The following AQR variants were observed in gnomAD, a reference collection of about 807,000 sequenced individuals.
AQR encodes RNA helicase aquarius.
AQR carries 61 observed loss-of-function variants against 180.5 expected under a neutral mutation model. That is an observed-to-expected ratio of 0.34 (90% CI 0.28 to 0.42). The LOEUF is 0.42. Ranked by LOEUF, AQR falls within the 10% of genes least tolerant of loss-of-function variation. The probability of loss-of-function intolerance (pLI) is 1.00; values close to 1 mark genes in which losing one functional copy is unlikely to be tolerated. For synonymous variants in AQR, 551 were observed against 588.8 expected, an observed-to-expected ratio of 0.94 and a Z score of 0.93; for missense variants, 1,281 against 1,798.3, an observed-to-expected ratio of 0.71 and a Z score of 5.20.
chr15:34,938,734 T>TAGTC lies in AQR; in HGVS notation c.718+2_718+3insGACT, dbSNP rs67563334. The TAGTC allele has an allele frequency of 1.1e-4, 153 of 1,435,996 alleles. No individual in the cohort carries two copies. In the South Asian group the frequency reaches 1.8e-3, roughly 17 times the overall value. The allele number at this position is 1,435,996 out of a possible 1,614,324, so 89.0% of individuals were successfully genotyped here. A position where few individuals can be genotyped will look rare whatever the true frequency, so the allele number is the denominator to read the frequency against. On this transcript the variant is annotated splice_region_variant and intron_variant, in intron 9 of 34. Transcript: ENST00000156471. ...CAAATGCACTGAGTAAAAAAGAAGA[T>TAGTC]ACCAGAAAGTGGGACTGATTTCAGC...
intron 28 of AQR, among the ~76,000 whole-genome samples, chr15:34,875,192 C>A (rs555218087): frequency 2.6e-5 from 4 of 152,104 alleles, no homozygotes; most frequent in Non-Finnish European, 4.4e-5. Context: ...CAGAAAGAAA[C>A]AGAAGCCCAA....
intron 15 of AQR, among the ~76,000 whole-genome samples, chr15:34,915,856 G>A (rs1893574747): frequency 6.6e-6 from 1 of 151,834 alleles, no homozygotes; most frequent in Non-Finnish European, 1.5e-5. Flanking sequence ...TGAGGCAGGA[G>A]AATCACTTGA....
At chr15:34,892,900 T>C (rs1008015584) in intron 23 of AQR, among the ~76,000 whole-genome samples, 2 of 152,198 alleles carry the variant, frequency 1.3e-5, no homozygotes, top group Non-Finnish European at 2.9e-5. Context: ...TGAATTCATA[T>C]TGCTTTCACA....
At chr15:34,867,641 T>A (rs373600200) in intron 31 of AQR, 32 bp from the exon 32 acceptor site, 4 of 1,525,874 alleles carry the variant, frequency 2.6e-6, no homozygotes, top group South Asian at 1.1e-5. Context: ...TATGGTGCAT[T>A]TGCAAAAGCC....
At position 34,897,035 on chromosome 15, in the gene AQR, C is replaced by T. The variant is rs376946861; in HGVS notation, c.2391-69G>A. On this transcript the variant is annotated intron_variant, in intron 21 of 34. Coordinates refer to ENST00000156471, the MANE Select transcript of AQR (RefSeq NM_014691.3). The stretch of plus-strand genomic sequence containing the variant: ...CTTTGTATAATACAAATTTAGACAA[C>T]AATGACCAGTGGTCTAAATATCTGC... 1.6e-3 allele frequency: 1,985 copies of T among 1,275,190 alleles called. 50 individuals carry two copies. In the South Asian group the frequency reaches 0.022, roughly 14 times the overall value. 79.0% of individuals were successfully genotyped at this position (1,275,190 alleles called of 1,614,324 possible).
chr15:34,872,532 T>C (rs1192669340), intron 30 of AQR, among the ~76,000 whole-genome samples: 2 of 152,090 alleles, frequency 1.3e-5, no homozygotes, highest in East Asian at 1.9e-4. Context: ...AAAACCAATA[T>C]GTAATGAAAA....
intron 11 of AQR, among the ~76,000 whole-genome samples, chr15:34,931,088 G>A (rs1015602021): frequency 5.3e-5 from 8 of 152,134 alleles, no homozygotes; most frequent in Non-Finnish European, 7.4e-5. Flanking sequence ...CGCCGGCCTC[G>A]GCCTCCCAAA....
Position 34,930,359 on chromosome 15 carries a change from G to A in AQR, c.913C>T (p.Leu305Phe), listed in dbSNP as rs770282822. ...ATTTCAAAACCAGTATAGAATTTAA[G>A]CATGTCCAAAAGCTGAAGAAACACA... ...GHLFSQLLDM[L>F]KFYTGFEIND... The change falls in exon 12 of 35, where the codon CTT becomes TTT. Residue 305 changes from leucine (L) to phenylalanine (F), a missense_variant. By Grantham distance (22) the Leu-to-Phe change is conservative (BLOSUM62 0). Around this residue, in one of 9 missense-constraint regions of AQR, gnomAD observed 404 missense variants for 490.9 expected, o/e 0.82. Transcript: ENST00000156471. 1.3e-6 allele frequency: 2 copies of A among 1,597,768 alleles called. No individual in the cohort carries two copies. Among genetic ancestry groups the A allele is most frequent in the Admixed American group, 3.3e-5 (2 of 59,954 alleles).
chr15:34,908,302 T>C (rs1388580223), intron 17 of AQR, among the ~76,000 whole-genome samples: 14 of 152,078 alleles, frequency 9.2e-5, no homozygotes. Flanking sequence ...CTGGGCGTGG[T>C]GGCGGGTGCC....
At chr15:34,959,034 T>C (rs1033923022) in intron 3 of AQR, among the ~76,000 whole-genome samples, 2 of 152,042 alleles carry the variant, frequency 1.3e-5, no homozygotes, top group South Asian at 4.2e-4. Flanking sequence ...TATATAGATA[T>C]CTGTCTGTCC....
chr15:34,944,381 G>C lies in AQR; in HGVS notation c.378C>G (p.Ile126Met). Reference sequence around the variant, plus strand: ...CAGTTTCAGCTAATGCCGCCTTCAAGATGTGTTTAAAAAAGAATGGGAAGT... The same window carrying C: ...CAGTTTCAGCTAATGCCGCCTTCAACATGTGTTTAAAAAAGAATGGGAAGT... Reference protein sequence around the residue: ...PDHFPFFFKHILKAALAETDG... With the variant: ...PDHFPFFFKHMLKAALAETDG... Residue 126 changes from isoleucine (I) to methionine (M), a missense_variant, in exon 6 of 35, where the codon ATC becomes ATG. By Grantham distance (10) the Ile-to-Met change is conservative (BLOSUM62 1). This residue lies in a region of AQR where 404 missense variants were observed against 490.9 expected (regional missense o/e 0.82). Transcript: ENST00000156471. The C allele has an allele frequency of 6.2e-7, 1 of 1,609,500 alleles. No individual in the cohort carries two copies. The highest frequency in any genetic ancestry group is 8.5e-7 in the Non-Finnish European group (1 of 1,178,216).
intron 30 of AQR, among the ~76,000 whole-genome samples, chr15:34,873,315 A>G (rs1892847847): frequency 6.6e-6 from 1 of 152,152 alleles, no homozygotes; most frequent in South Asian, 2.1e-4. Context: ...GCATTGTATG[A>G]GAATAAAGTT....
intron 13 of AQR, among the ~76,000 whole-genome samples, chr15:34,924,927 A>T (rs1447248333): frequency 6.6e-6 from 1 of 151,804 alleles, no homozygotes; most frequent in East Asian, 1.9e-4. Context: ...TGTAAAAAAA[A>T]AAAAAAAAGG....
At chr15:34,966,693 C>A (rs981489454) in intron 1 of AQR, among the ~76,000 whole-genome samples, 1 of 152,118 alleles carries the variant, frequency 6.6e-6, no homozygotes, top group African/African-American at 2.4e-5. Flanking sequence ...CAAATGGATA[C>A]ATAAGTGAAT....
intron 9 of AQR, among the ~76,000 whole-genome samples, chr15:34,936,583 G>T (rs140162926): frequency 0.029 from 4,437 of 152,164 alleles, 91 homozygotes; most frequent in Middle Eastern, 0.068. Flanking sequence ...GGGCATGGTG[G>T]TGTGCACCTG....
intron 10 of AQR, among the ~76,000 whole-genome samples, chr15:34,934,256 A>G (rs1438791736): frequency 6.7e-6 from 1 of 149,330 alleles, no homozygotes. Context: ...TGTATAATCT[A>G]TATTAATAAA....
At chr15:34,965,122 G>A (rs1466751695) in intron 1 of AQR, among the ~76,000 whole-genome samples, 1 of 152,134 alleles carries the variant, frequency 6.6e-6, no homozygotes, top group African/African-American at 2.4e-5. Context: ...CTACCTGATG[G>A]TGACAATTGC....
chr15:34,907,021 CTTATTT>C (rs1244270804), intron 17 of AQR, among the ~76,000 whole-genome samples: 2 of 152,122 alleles, frequency 1.3e-5, no homozygotes, highest in Non-Finnish European at 2.9e-5. Context: ...CGTCATCATT[CTTATTT>C]TTAACAATCT....
chr15:34,890,572 T>C (rs1490890051), intron 23 of AQR, among the ~76,000 whole-genome samples: 2 of 152,194 alleles, frequency 1.3e-5, no homozygotes, highest in African/African-American at 4.8e-5. Flanking sequence ...GAGAAAGGCA[T>C]TGGCTCAGAT....
Sources: allele counts gnomAD v4.1 joint callset (sites outside exome capture counted in the v4.1 genomes callset), GRCh38; gene constraint gnomAD v4.1.1; regional missense constraint gnomAD v4.1.1; transcripts MANE v1.5; gene names NCBI Gene and HGNC (gene_info 2026-07-23, HGNC 2026-07-21).